SPAG11B: variants seen among roughly 807,000 people sequenced by gnomAD.
SPAG11B encodes the protein sperm associated antigen 11B.
Under a neutral mutation model 8.9 loss-of-function variants are expected in SPAG11B, and 5 were observed. The ratio of observed to expected loss-of-function variants is 0.56; its 90% CI spans 0.29 to 1.19. The LOEUF is 1.19. Among genes scored for constraint, SPAG11B ranks in the 50% most tolerant of loss-of-function variants. The pLI is 0.08. For synonymous variants in SPAG11B, 12 were observed against 53.0 expected (o/e 0.23, Z 3.36); for missense variants, 38 against 146.4 (o/e 0.26, Z 3.82).
chr8:7,451,902 T>G (rs1484674559), intron 2 of SPAG11B, among the ~76,000 whole-genome samples: 1 of 145,652 alleles, frequency 6.9e-6, no homozygotes, highest in African/African-American at 2.6e-5. Context: ...TTCTCTGGAC[T>G]TTGGTTTTCT....
At chr8:7,448,883 G>A (rs1402438475), downstream of SPAG11B, among the ~76,000 whole-genome samples, 1 of 144,294 alleles carries the variant, frequency 6.9e-6, no homozygotes, top group Non-Finnish European at 1.5e-5. Context: ...ATAGGTACTA[G>A]TTTTTTACCA....
Position 7,450,906 on chromosome 8 carries a change from G to A in SPAG11B, c.215-6C>T, listed in dbSNP as rs1421883753. The A allele has an allele frequency of 6.4e-7, 1 of 1,553,292 alleles. No individual in the cohort carries two copies. The highest frequency in any genetic ancestry group is 8.8e-7 in the Non-Finnish European group (1 of 1,140,438). Reference sequence around the variant, plus strand: ...AATTCCCGGTGGAACATCCCCTATGGATACAACAGAAGAGAGTTGACATTT... The same window carrying A: ...AATTCCCGGTGGAACATCCCCTATGAATACAACAGAAGAGAGTTGACATTT... On this transcript the variant is annotated splice_region_variant and splice_polypyrimidine_tract_variant and intron_variant, in intron 2 of 2. Coordinates refer to ENST00000398462, the MANE Select transcript of SPAG11B (RefSeq NM_058201.4).
chr8:7,450,189 C>T (rs1340108116), downstream of SPAG11B, among the ~76,000 whole-genome samples: 2 of 127,654 alleles, frequency 1.6e-5, no homozygotes, highest in Admixed American at 1.7e-4. Flanking sequence ...CCCTATTATA[C>T]ACACTATCAG....
At chr8:7,453,509 A>G (rs1166614167) in intron 2 of SPAG11B, among the ~76,000 whole-genome samples, 1 of 147,360 alleles carries the variant, frequency 6.8e-6, no homozygotes, top group African/African-American at 2.6e-5. Context: ...AGCAGACTCT[A>G]GATATCATTC....
rs1214574115 is a variant in SPAG11B at position 7,451,004 on chromosome 8, G to T, written c.215-104C>A. On this transcript the variant is annotated intron_variant, in intron 2 of 2. Coordinates refer to ENST00000398462, the MANE Select transcript of SPAG11B (RefSeq NM_058201.4). ...GGGTTATATATTCTGACAAGGCTAA[G>T]TACTTTTGGACAAGCCCCAGTTTAA... is the stretch of plus-strand genomic sequence containing the variant. 1.4e-5 allele frequency: 22 copies of T among 1,519,780 alleles called. 3 individuals are homozygous for T. Among genetic ancestry groups the T allele is most frequent in the Admixed American group, 2.0e-5 (1 of 49,022 alleles). The allele number at this position is 1,519,780 out of a possible 1,614,324, so 94.1% of individuals were successfully genotyped here.
At chr8:7,458,778 T>C (rs1248002520) in intron 2 of SPAG11B, among the ~76,000 whole-genome samples, 3 of 100,140 alleles carry the variant, frequency 3.0e-5, no homozygotes, top group African/African-American at 1.5e-4. Flanking sequence ...TGAAAGATAA[T>C]GAGAGGATAT....
At chr8:7,448,857 T>C (rs1348604304), downstream of SPAG11B, among the ~76,000 whole-genome samples, 1 of 142,836 alleles carries the variant, frequency 7.0e-6, no homozygotes, top group African/African-American at 2.7e-5. Context: ...CAGCCTGTTT[T>C]GTGCTGGGCA....
At chr8:7,458,957 G>C (rs1197816873) in intron 2 of SPAG11B, among the ~76,000 whole-genome samples, 1 of 88,786 alleles carries the variant, frequency 1.1e-5, no homozygotes, top group Non-Finnish European at 2.0e-5. Context: ...CCAGCACTTC[G>C]GGAGGCCGAC....
Sources: gnomAD v4.1 joint callset for allele counts (sites outside exome capture counted in the v4.1 genomes callset) on GRCh38, gnomAD v4.1.1 for gene constraint, MANE v1.5 for transcripts, NCBI Gene and HGNC (gene_info 2026-07-23, HGNC 2026-07-21) for gene names.